Variants in INSYN2B observed in about 807,000 individuals in gnomAD.
INSYN2B encodes inhibitory synaptic factor family member 2B.
In INSYN2B, 16 loss-of-function variants were observed where a neutral mutation model predicts 41.2. The observed-to-expected ratio is 0.39, with a 90% CI of 0.26 to 0.59. INSYN2B has a LOEUF of 0.59. Ranked by LOEUF, INSYN2B falls within the 20% of genes least tolerant of loss-of-function variation. INSYN2B has a pLI of 0.57. For synonymous variants in INSYN2B, 245 were observed against 244.4 expected (o/e 1.00, Z -0.02); for missense variants, 608 against 646.4 (o/e 0.94, Z 0.64).
At chr5:169,947,598 C>CT (rs1194734065) in intron 1 of INSYN2B, among the ~76,000 whole-genome samples, 1 of 152,206 alleles carries the variant, frequency 6.6e-6, no homozygotes, top group East Asian at 1.9e-4. Context: ...TAAGCTGATG[C>CT]TTTTTTGTCT....
chr5:169,959,216 C>A lies in INSYN2B; in HGVS notation c.-919+21061G>T, dbSNP rs60222680. ...GACCATCCTGGCTAACATGGTGAAA[C>A]CCTGTCTGTACTAAAAATACAAAAA... On this transcript the variant is annotated intron_variant, in intron 1 of 3. Transcript: ENST00000377365. Among the ~76,000 whole-genome samples the A allele has an allele frequency of 1.6e-3, 241 of 152,040 alleles. 2 individuals carry two copies. Among genetic ancestry groups the A allele is most frequent in the African/African-American group, 5.6e-3 (231 of 41,468 alleles).
chr5:169,896,858 G>A (rs1040561961), intron 1 of INSYN2B, among the ~76,000 whole-genome samples: 1 of 151,586 alleles, frequency 6.6e-6, no homozygotes, highest in Non-Finnish European at 1.5e-5. Context: ...AGAACTAAAA[G>A]CAATTAGTAG....
At chr5:169,947,036 T>C (rs182899599) in intron 1 of INSYN2B, among the ~76,000 whole-genome samples, 3 of 152,310 alleles carry the variant, frequency 2.0e-5, no homozygotes, top group South Asian at 2.1e-4. Flanking sequence ...GAGTTTACAA[T>C]GTATCTGGAA....
chr5:169,887,898 G>T (rs1464688841), intron 1 of INSYN2B, among the ~76,000 whole-genome samples: 1 of 152,120 alleles, frequency 6.6e-6, no homozygotes, highest in African/African-American at 2.4e-5. Flanking sequence ...ACTGTGCCTG[G>T]TCAATTTATG....
rs1772767358 is a variant in INSYN2B at position 169,883,195 on chromosome 5, G to C, written c.704C>G (p.Pro235Arg). The C allele has an allele frequency of 1.3e-6, 2 of 1,551,650 alleles. No individual in the cohort carries two copies. Among genetic ancestry groups the C allele is most frequent in the African/African-American group, 2.7e-5 (2 of 73,166 alleles). ...ATCACCTGGACGTGTGTCATCCAAA[G>C]GGTGTATGGAGTTACTTACTTCAGC... is the stretch of plus-strand genomic sequence containing the variant. ...RSAEVSNSIH[P>R]LDDTRPGDGR... is the part of the protein sequence containing the mutation. The change falls in exon 2 of 4, where the codon CCT becomes CGT. Residue 235 changes from proline (P) to arginine (R), a missense_variant. Coordinates refer to ENST00000377365, the MANE Select transcript of INSYN2B (RefSeq NM_001129891.3).
At chr5:169,924,559 T>A (rs1775337703) in intron 1 of INSYN2B, among the ~76,000 whole-genome samples, 1 of 152,136 alleles carries the variant, frequency 6.6e-6, no homozygotes, top group Non-Finnish European at 1.5e-5. Flanking sequence ...CAATTTAGAC[T>A]CTCACTGAAC....
intron 1 of INSYN2B, among the ~76,000 whole-genome samples, chr5:169,887,992 T>G (rs1445340801): frequency 6.6e-6 from 1 of 152,218 alleles, no homozygotes; most frequent in Non-Finnish European, 1.5e-5. Context: ...TGAGTGGACA[T>G]TTTTTCACAT....
intron 1 of INSYN2B, among the ~76,000 whole-genome samples, chr5:169,925,579 T>G (rs2909779): frequency 1.2e-5 from 1 of 80,260 alleles, no homozygotes; most frequent in Non-Finnish European, 2.4e-5. Flanking sequence ...GACTCTGTCT[T>G]AAAAAAAAAA....
intron 3 of INSYN2B, among the ~76,000 whole-genome samples, chr5:169,874,590 T>A (rs13355609): frequency 0.47 from 71,783 of 151,846 alleles, 17,630 homozygotes; most frequent in Non-Finnish European, 0.54. Context: ...ATGGTCAGCA[T>A]TTGGACACCC....
chr5:169,868,534 G>A (rs929296710), intron 3 of INSYN2B, among the ~76,000 whole-genome samples: 5 of 152,206 alleles, frequency 3.3e-5, no homozygotes, highest in African/African-American at 1.2e-4. Flanking sequence ...CCAGGTGGGA[G>A]GATTCCTTGA....
In INSYN2B at chr5:169,883,135, G is replaced by A. The variant is rs1772761345; in HGVS notation, c.764C>T (p.Ser255Phe). The stretch of plus-strand genomic sequence containing the variant: ...GCTGGTGGCATTTAAGCAGGAGGTG[G>A]ATTTTTCTGAATCTAGTGGAGTCAC... Reference protein sequence around the residue: ...RRVTPLDSEKSTSCLNATSVA... With the variant: ...RRVTPLDSEKFTSCLNATSVA... The change falls in exon 2 of 4, where the codon TCC (serine) becomes TTC (phenylalanine). Residue 255 changes from serine to phenylalanine, a missense_variant. Ser to Phe is a radical substitution (Grantham distance 155). Transcript: ENST00000377365. 6.4e-7 allele frequency: 1 copy of A among 1,551,636 alleles called. No individual in the cohort carries two copies. Among genetic ancestry groups the A allele is most frequent in the Non-Finnish European group, 8.7e-7 (1 of 1,146,942 alleles).
chr5:169,868,706 T>G (rs1253726001), intron 3 of INSYN2B, among the ~76,000 whole-genome samples: 3 of 152,194 alleles, frequency 2.0e-5, no homozygotes, highest in Non-Finnish European at 4.4e-5. Context: ...TGCAATTAGC[T>G]ATGAGTGCAC....
intron 1 of INSYN2B, among the ~76,000 whole-genome samples, chr5:169,899,919 C>G (rs537676059): frequency 6.6e-6 from 1 of 152,348 alleles, no homozygotes; most frequent in East Asian, 1.9e-4. Flanking sequence ...TCATGTATTA[C>G]TTGATACTGA....
At chr5:169,908,122 C>T (rs1774396085) in intron 1 of INSYN2B, among the ~76,000 whole-genome samples, 2 of 152,202 alleles carry the variant, frequency 1.3e-5, no homozygotes, top group South Asian at 4.2e-4. Context: ...ATTCTGCAGC[C>T]CCATTTCAGT....
rs1008639266 is a variant in INSYN2B at position 169,881,385 on chromosome 5, C to T, written c.1404G>A (p.Thr468=). The change falls in exon 3 of 4, where the codon ACG becomes ACA. Residue 468 remains threonine, a synonymous_variant. Coordinates refer to ENST00000377365, the MANE Select transcript of INSYN2B (RefSeq NM_001129891.3). ...DLNNCSTCQN[T]ACIIYSVEYD... ...CCAGGTACCTGTATATGATGCACGC[C>T]GTGTTCTGGCAGGTACTGCAATTGT... is the stretch of plus-strand genomic sequence containing the variant. 1.2e-5 allele frequency: 19 copies of T among 1,551,356 alleles called. No individual in the cohort carries two copies. In the African/African-American group the frequency reaches 1.4e-4, roughly 11 times the overall value.
At chr5:169,875,435 A>G (rs1251543945) in intron 3 of INSYN2B, 1 of 386,802 alleles carries the variant, frequency 2.6e-6, no homozygotes, top group Non-Finnish European at 5.2e-6. Flanking sequence ...CTCAGTGACA[A>G]TCGAACATTC....
intron 1 of INSYN2B, among the ~76,000 whole-genome samples, chr5:169,944,845 C>G (rs1266511988): frequency 6.6e-6 from 1 of 152,224 alleles, no homozygotes; most frequent in African/African-American, 2.4e-5. Flanking sequence ...CCTCCTCCAT[C>G]TGCCTTGTGG....
At chr5:169,960,980 T>C (rs1160815205) in intron 1 of INSYN2B, among the ~76,000 whole-genome samples, 3 of 152,176 alleles carry the variant, frequency 2.0e-5, no homozygotes, top group Non-Finnish European at 4.4e-5. Flanking sequence ...TATATATAGG[T>C]TCACTATCCA....
chr5:169,864,131 T>G lies in INSYN2B; in HGVS notation c.*142A>C. 1.4e-6 allele frequency: 1 copy of G among 734,790 alleles called. No individual in the cohort carries two copies. The highest frequency in any genetic ancestry group is 2.2e-6 in the Non-Finnish European group (1 of 449,174). 45.5% of individuals were successfully genotyped at this position (734,790 alleles called of 1,614,324 possible). A position where few individuals can be genotyped will look rare whatever the true frequency, so the allele number is the denominator to read the frequency against. On this transcript the variant is annotated 3_prime_UTR_variant, in exon 4 of 4. Transcript: ENST00000377365. Reference sequence around the variant, plus strand: ...GGTGTCCAGCAGCGGCTACATCAGCTCCAAGGCTCTTCTGTTTCACAGGCC... The same window carrying G: ...GGTGTCCAGCAGCGGCTACATCAGCGCCAAGGCTCTTCTGTTTCACAGGCC...
Sources: gnomAD v4.1 joint callset for allele counts (sites outside exome capture counted in the v4.1 genomes callset) on GRCh38, gnomAD v4.1.1 for gene constraint, MANE v1.5 for transcripts, NCBI Gene and HGNC (gene_info 2026-07-23, HGNC 2026-07-21) for gene names.